The following CDC42BPG variants were observed in gnomAD, a reference collection of about 807,000 sequenced individuals.
The protein encoded by CDC42BPG is CDC42 binding protein kinase gamma.
CDC42BPG carries 157 observed loss-of-function variants against 192.2 expected under a neutral mutation model. The ratio of observed to expected loss-of-function variants is 0.82; its 90% CI spans 0.72 to 0.93. CDC42BPG has a LOEUF of 0.93. Ranked by LOEUF, CDC42BPG falls within the 40% of genes least tolerant of loss-of-function variation. The pLI, the probability that CDC42BPG is intolerant of heterozygous loss-of-function variation, is 0.00. For missense variants in CDC42BPG, 1,992 were observed against 2,122.1 expected, an observed-to-expected ratio of 0.94 and a Z score of 1.20; for synonymous variants, 981 against 918.5, an observed-to-expected ratio of 1.07 and a Z score of -1.23.
intron 34 of CDC42BPG, 75 bp downstream of exon 34, chr11:64,826,975 C>G: frequency 3.3e-6 from 4 of 1,228,882 alleles, no homozygotes; most frequent in Non-Finnish European, 4.8e-6. Flanking sequence ...CCGTGATTGG[C>G]TAGAGCTCAC....
intron 1 of CDC42BPG, 24 bp from the exon 2 acceptor site, chr11:64,841,928 CAG>C (rs747137731): frequency 1.9e-6 from 3 of 1,551,910 alleles, no homozygotes; most frequent in Non-Finnish European, 1.8e-6. Flanking sequence ...GGGCGGGACT[CAG>C]AGTGCAGGGA....
At position 64,825,659 on chromosome 11, in the gene CDC42BPG, G is replaced by A. The variant is rs1200776895; in HGVS notation, c.4599+811C>T. 4.6e-5 allele frequency among the ~76,000 whole-genome samples: 7 copies of A among 152,124 alleles called. No individual in the cohort carries two copies. The East Asian group carries it at 1.3e-3, about 29-fold the overall frequency. On this transcript the variant is annotated intron_variant, in intron 36 of 36. Transcript: ENST00000342711. ...GTGTGTGCTGTAGACGTGGCTGCAG[G>A]GGGAATGGGAACCTCCCTGGCTTCT...
intron 30 of CDC42BPG, among the ~76,000 whole-genome samples, chr11:64,828,690 G>A (rs1942546195): frequency 6.6e-6 from 1 of 152,208 alleles, no homozygotes; most frequent in Admixed American, 6.5e-5. Flanking sequence ...CGCGCGGGAG[G>A]ATTGCTTGAG....
intron 5 of CDC42BPG, 49 bp downstream of exon 5, chr11:64,840,071 G>T: frequency 6.4e-7 from 1 of 1,564,408 alleles, no homozygotes; most frequent in South Asian, 1.1e-5. Flanking sequence ...GCTGGCAGGG[G>T]TTGGGCAGGG....
chr11:64,836,186 C>T lies in CDC42BPG; in HGVS notation c.1599G>A (p.Glu533=), dbSNP rs765614805. The change falls in exon 13 of 37, where the codon GAG becomes GAA. Residue 533 remains glutamate (E), a synonymous_variant. Coordinates refer to ENST00000342711, the MANE Select transcript of CDC42BPG (RefSeq NM_017525.3). ...CCCGGGTCTGGCTAGCTGTGGCCGC[C>T]TCTCTCTCCTGGGCCTCCTGTAGCC... The part of the protein sequence containing the change: ...LQRLQEAQER[E]AATASQTRAL... 7.5e-6 allele frequency: 12 copies of T among 1,596,498 alleles called. No homozygotes were observed. The highest frequency in any genetic ancestry group is 1.0e-5 in the Non-Finnish European group (12 of 1,173,446).
At chr11:64,843,924 G>A (rs570292219) in intron 1 of CDC42BPG, among the ~76,000 whole-genome samples, 1 of 152,290 alleles carries the variant, frequency 6.6e-6, no homozygotes, top group South Asian at 2.1e-4. Context: ...ACAGATCTGT[G>A]TGTTTTGCAG....
chr11:64,824,830 C>T (rs923100040), intron 36 of CDC42BPG, among the ~76,000 whole-genome samples: 5 of 152,182 alleles, frequency 3.3e-5, no homozygotes, highest in Non-Finnish European at 7.4e-5. Flanking sequence ...TCACTGCAAC[C>T]TCTGCCTCCC....
intron 10 of CDC42BPG, 29 bp downstream of exon 10, chr11:64,836,893 C>T: frequency 1.2e-6 from 2 of 1,609,670 alleles, no homozygotes; most frequent in Non-Finnish European, 1.7e-6. Flanking sequence ...GGCCAGCACA[C>T]CCAGGCCCGG....
Position 64,832,467 on chromosome 11 carries a change from A to G in CDC42BPG, c.3048T>C (p.Val1016=), listed in dbSNP as rs2136287341. 1.2e-6 allele frequency: 2 copies of G among 1,614,108 alleles called. No homozygotes were observed. The highest frequency in any genetic ancestry group is 2.2e-5 in the South Asian group (2 of 91,082). ...FSATPVLASD[V]IHAQSRDLPR... Reference sequence around the variant, plus strand: ...GCAGGTCCCTGGATTGGGCATGGATAACATCAGAGGCCAGGACAGGGGTAG... The same window carrying G: ...GCAGGTCCCTGGATTGGGCATGGATGACATCAGAGGCCAGGACAGGGGTAG... Residue 1016 remains valine, a synonymous_variant, in exon 27 of 37, where the codon GTT becomes GTC. Transcript: ENST00000342711.
rs2136243197 is a variant in CDC42BPG at position 64,826,942 on chromosome 11, G to C, written c.4389+108C>G. 2.6e-6 allele frequency: 3 copies of C among 1,155,004 alleles called. No individual in the cohort carries two copies. In the African/African-American group the frequency reaches 4.6e-5, roughly 18 times the overall value. The allele number at this position is 1,155,004 out of a possible 1,614,324, so 71.5% of individuals were successfully genotyped here. The stretch of plus-strand genomic sequence containing the variant: ...CAGGTAGCAGAAGTGTGAGTCCCAG[G>C]CCTTAGGAGTAATTACAGCGGCCCG... On this transcript the variant is annotated intron_variant, in intron 34 of 36. Coordinates refer to ENST00000342711, the MANE Select transcript of CDC42BPG (RefSeq NM_017525.3).
At position 64,835,786 on chromosome 11, in the gene CDC42BPG, G is replaced by A. The variant is rs1430531344; in HGVS notation, c.1734C>T (p.Arg578=). 6.2e-7 allele frequency: 1 copy of A among 1,613,436 alleles called. No homozygotes were observed. Among genetic ancestry groups the A allele is most frequent in the Non-Finnish European group, 8.5e-7 (1 of 1,179,946 alleles). ...CCTTGGCCTGGGACGACTCCTCAAG[G>A]CGTTGCTCCCACTGTCCCTGCAGCT... ...VTQLQGQWEQ[R]LEESSQAKTI... Residue 578 remains arginine (R), a synonymous_variant, in exon 14 of 37, where the codon CGC becomes CGT. Transcript: ENST00000342711.
chr11:64,836,716 G>GGGGGGGGGGT, intron 11 of CDC42BPG, 23 bp downstream of exon 11: 1 of 869,300 alleles, frequency 1.2e-6, no homozygotes, highest in Non-Finnish European at 1.7e-6. Flanking sequence ...TGGGGGGGGG[G>GGGGGGGGGGT]GGGGGGTGGG....
At chr11:64,830,529 T>C in intron 28 of CDC42BPG, 1 of 550,582 alleles carries the variant, frequency 1.8e-6, no homozygotes, top group South Asian at 2.0e-5. Context: ...GGGACAACGA[T>C]GGTACTTCCT....
Position 64,844,498 on chromosome 11 carries a change from G to T in CDC42BPG, c.72C>A (p.Gly24=). Residue 24 remains glycine, a synonymous_variant, in exon 1 of 37, where the codon GGC becomes GGA. Coordinates refer to ENST00000342711, the MANE Select transcript of CDC42BPG (RefSeq NM_017525.3). ...GCAGCGCCAGCAGCAGATCTAGGAG[G>T]CCGTCGAGCCCCGGGCAGCCGCCGG... ...GEAGGCPGLD[G]LLDLLLALHH... The T allele has an allele frequency of 7.3e-7, 1 of 1,379,196 alleles. No individual in the cohort carries two copies. Among genetic ancestry groups the T allele is most frequent in the East Asian group, 3.1e-5 (1 of 32,616 alleles). 85.4% of individuals were successfully genotyped at this position (1,379,196 alleles called of 1,614,324 possible).
intron 30 of CDC42BPG, 140 bp downstream of exon 30, chr11:64,829,331 G>C: frequency 9.4e-7 from 1 of 1,066,048 alleles, no homozygotes; most frequent in African/African-American, 1.6e-5. Context: ...CAGAGGGTGG[G>C]ACAGGGTGTT....
intron 9 of CDC42BPG, among the ~76,000 whole-genome samples, chr11:64,837,499 C>T (rs1264077095): frequency 6.6e-6 from 1 of 152,212 alleles, no homozygotes; most frequent in African/African-American, 2.4e-5. Context: ...GTCGCTCTGT[C>T]ACCCAGGCTG....
chr11:64,836,563 T>C, intron 11 of CDC42BPG, 33 bp from the exon 12 acceptor site: 1 of 1,586,100 alleles, frequency 6.3e-7, no homozygotes, highest in Admixed American at 1.7e-5. Context: ...CCTCGAGTGC[T>C]GGCGGCCCCA....
chr11:64,841,023 C>T (rs1244067564), intron 3 of CDC42BPG, among the ~76,000 whole-genome samples: 3 of 152,062 alleles, frequency 2.0e-5, no homozygotes, highest in African/African-American at 7.2e-5. Flanking sequence ...TCGTGGCACA[C>T]GCCTGTAATC....
chr11:64,841,551 A>G, intron 3 of CDC42BPG, 99 bp downstream of exon 3: 1 of 949,992 alleles, frequency 1.1e-6, no homozygotes, highest in East Asian at 2.4e-5. Context: ...CCTGGTCTGC[A>G]GCCTTGCCCG....
Sources: gnomAD v4.1 joint callset for allele counts (sites outside exome capture counted in the v4.1 genomes callset) on GRCh38, gnomAD v4.1.1 for gene constraint, MANE v1.5 for transcripts, NCBI Gene and HGNC (gene_info 2026-07-23, HGNC 2026-07-21) for gene names.